Variants in THSD4 observed in about 807,000 individuals in gnomAD.
The protein encoded by THSD4 is thrombospondin type 1 domain containing 4.
Under a neutral mutation model 119.0 loss-of-function variants are expected in THSD4, and 69 were observed. The ratio of observed to expected loss-of-function variants is 0.58; its 90% CI spans 0.48 to 0.71. The LOEUF is 0.71. Ranked by LOEUF, THSD4 falls within the 30% of genes least tolerant of loss-of-function variation. The pLI is 0.00. For missense variants in THSD4, 1,393 were observed against 1,391.1 expected, an observed-to-expected ratio of 1.00 and a Z score of -0.02; for synonymous variants, 524 against 540.4, an observed-to-expected ratio of 0.97 and a Z score of 0.42.
chr15:71,740,728 A>C (rs2053218355), intron 11 of THSD4, among the ~76,000 whole-genome samples: 1 of 152,186 alleles, frequency 6.6e-6, no homozygotes, highest in Non-Finnish European at 1.5e-5. Flanking sequence ...GTTTTGATAG[A>C]CTGAAGGCAA....
At position 71,215,056 on chromosome 15, in the gene THSD4, G is replaced by T; in HGVS notation, c.121G>T (p.Glu41Ter). The T allele has an allele frequency of 7.7e-7, 1 of 1,293,048 alleles. No homozygotes were observed. Among genetic ancestry groups the T allele is most frequent in the South Asian group, 2.6e-5 (1 of 38,590 alleles). The allele number at this position is 1,293,048 out of a possible 1,614,324, so 80.1% of individuals were successfully genotyped here. Residue 41 changes from glutamate to a stop codon, truncating the protein, a stop_gained, in exon 4 of 18, where the codon GAG (glutamate) becomes TAG (stop). Transcript: ENST00000261862. LOFTEE classifies it high-confidence loss of function. ...GCAGGTCCCGCAGCGGATGGCGGCGGAGGGCGCCCCCGAGGACGACGGCGG... is the reference window on the plus strand; with the variant it reads ...GCAGGTCCCGCAGCGGATGGCGGCGTAGGGCGCCCCCGAGGACGACGGCGG... ...HRKVPQRMAA[E>*]GAPEDDGGGG...
intron 7 of THSD4, among the ~76,000 whole-genome samples, chr15:71,456,915 C>T (rs1467418583): frequency 1.3e-5 from 2 of 152,134 alleles, no homozygotes; most frequent in Non-Finnish European, 2.9e-5. Flanking sequence ...AAGGAAATAT[C>T]TTAGGGCCAT....
At chr15:71,309,975 T>C (rs1278366740) in intron 6 of THSD4, among the ~76,000 whole-genome samples, 2 of 152,194 alleles carry the variant, frequency 1.3e-5, no homozygotes, top group Non-Finnish European at 2.9e-5. Flanking sequence ...TCCACCTGTA[T>C]AGCTTGTCTT....
intron 7 of THSD4, among the ~76,000 whole-genome samples, chr15:71,566,062 C>G (rs2049230463): frequency 6.6e-6 from 1 of 151,846 alleles, no homozygotes. Flanking sequence ...ATCCGAGGCC[C>G]AAGGAGGGGA....
chr15:71,665,191 C>T (rs1170496222), intron 8 of THSD4, among the ~76,000 whole-genome samples: 1 of 152,182 alleles, frequency 6.6e-6, no homozygotes, highest in Non-Finnish European at 1.5e-5. Flanking sequence ...GCCATTCTGA[C>T]TGGTGTAAGA....
At chr15:71,325,289 C>T (rs1398004465) in intron 6 of THSD4, among the ~76,000 whole-genome samples, 4 of 152,174 alleles carry the variant, frequency 2.6e-5, no homozygotes, top group Non-Finnish European at 5.9e-5. Flanking sequence ...TCTGTAACCT[C>T]CAGTATGCTA....
intron 4 of THSD4, among the ~76,000 whole-genome samples, chr15:71,234,421 C>T (rs918348176): frequency 6.6e-6 from 1 of 152,208 alleles, no homozygotes; most frequent in Admixed American, 6.5e-5. Context: ...TCTTGTGCCT[C>T]AGCCTCCCAA....
intron 7 of THSD4, among the ~76,000 whole-genome samples, chr15:71,436,854 A>G (rs1352090157): frequency 2.0e-5 from 3 of 152,170 alleles, no homozygotes; most frequent in Non-Finnish European, 4.4e-5. Context: ...AAATGAATGG[A>G]CTTGGAGAAC....
chr15:71,293,128 C>T (rs1002340808), intron 6 of THSD4, among the ~76,000 whole-genome samples: 1 of 152,128 alleles, frequency 6.6e-6, no homozygotes, highest in African/African-American at 2.4e-5. Context: ...TTGGACAGGT[C>T]GAAAGTTCTA....
At chr15:71,701,190 A>G (rs1036849630) in intron 8 of THSD4, among the ~76,000 whole-genome samples, 3 of 152,206 alleles carry the variant, frequency 2.0e-5, no homozygotes, top group African/African-American at 4.8e-5. Context: ...AAACAACCCA[A>G]TGTAAAAAAG....
chr15:71,251,739 G>T (rs895597277), intron 5 of THSD4, among the ~76,000 whole-genome samples: 9 of 152,142 alleles, frequency 5.9e-5, no homozygotes, highest in South Asian at 2.1e-4. Context: ...CTGGGGAGAT[G>T]ACAGTAATTA....
intron 7 of THSD4, among the ~76,000 whole-genome samples, chr15:71,525,277 G>A (rs1474589000): frequency 3.3e-5 from 5 of 152,096 alleles, no homozygotes; most frequent in Non-Finnish European, 4.4e-5. Context: ...TAAATTACTA[G>A]CCCAGGAACA....
At chr15:71,395,788 T>C (rs1000074706) in intron 6 of THSD4, among the ~76,000 whole-genome samples, 9 of 151,910 alleles carry the variant, frequency 5.9e-5, no homozygotes, top group Non-Finnish European at 1.5e-5. Flanking sequence ...CCTTGGAGTT[T>C]TCCCCTGAAT....
Position 71,537,686 on chromosome 15 carries a change from A to G in THSD4, c.1153-122844A>G, listed in dbSNP as rs544769182. Among the ~76,000 whole-genome samples, 174 of 152,274 alleles carry G rather than the reference A, an allele frequency of 1.1e-3. 1 individual carries two copies. Among genetic ancestry groups the G allele is most frequent in the African/African-American group, 3.9e-3 (163 of 41,544 alleles). On this transcript the variant is annotated intron_variant, in intron 7 of 17. Coordinates refer to ENST00000261862, the MANE Select transcript of THSD4 (RefSeq NM_024817.3). ...TTCCTGGTTCAAGCAGATGATAAGT[A>G]CTGATATTTTCAGTAAATGGACAAG... is the stretch of plus-strand genomic sequence containing the variant.
intron 4 of THSD4, among the ~76,000 whole-genome samples, chr15:71,233,440 G>A (rs1364879110): frequency 5.3e-5 from 8 of 152,030 alleles, no homozygotes. Context: ...TGTATATACT[G>A]TGTACATTTT....
At chr15:71,741,633 T>G (rs934539714) in intron 11 of THSD4, among the ~76,000 whole-genome samples, 2 of 151,992 alleles carry the variant, frequency 1.3e-5, no homozygotes, top group African/African-American at 4.8e-5. Context: ...GGACTGAGCA[T>G]GCACAGGACC....
At chr15:71,283,140 T>C (rs2044676249) in intron 6 of THSD4, among the ~76,000 whole-genome samples, 1 of 152,028 alleles carries the variant, frequency 6.6e-6, no homozygotes, top group African/African-American at 2.4e-5. Flanking sequence ...CGGTTAATGT[T>C]TTGTATTTTT....
intron 1 of THSD4, among the ~76,000 whole-genome samples, chr15:71,135,269 A>G (rs1350646825): frequency 6.7e-6 from 1 of 149,044 alleles, no homozygotes; most frequent in East Asian, 2.0e-4. Context: ...CTAATGCTAG[A>G]TGACGAGTTG....
At chr15:71,177,873 A>T (rs1331656307) in intron 3 of THSD4, among the ~76,000 whole-genome samples, 2 of 151,300 alleles carry the variant, frequency 1.3e-5, no homozygotes, top group East Asian at 3.9e-4. Context: ...CTATAAACAG[A>T]ACCAAAGACA....
Sources: allele counts gnomAD v4.1 joint callset (sites outside exome capture counted in the v4.1 genomes callset), GRCh38; gene constraint gnomAD v4.1.1; transcripts MANE v1.5; gene names NCBI Gene and HGNC (gene_info 2026-07-23, HGNC 2026-07-21).